SLC44A1: variants seen among roughly 807,000 people sequenced by gnomAD.
SLC44A1 encodes the protein choline transporter-like protein 1.
SLC44A1 carries 26 observed loss-of-function variants against 79.3 expected under a neutral mutation model. That is an observed-to-expected ratio of 0.33 (90% confidence interval 0.24 to 0.46). SLC44A1 has a LOEUF of 0.46. Among genes scored for constraint, SLC44A1 ranks in the 20% least tolerant of loss-of-function variants. The probability of loss-of-function intolerance (pLI) is 1.00; values close to 1 mark genes in which losing one functional copy is unlikely to be tolerated. For synonymous variants in SLC44A1, 263 were observed against 286.2 expected (o/e 0.92, Z 0.82); for missense variants, 688 against 798.1 (o/e 0.86, Z 1.66).
intron 1 of SLC44A1, among the ~76,000 whole-genome samples, chr9:105,251,154 G>C (rs991119324): frequency 6.6e-6 from 1 of 152,106 alleles, no homozygotes; most frequent in African/African-American, 2.4e-5. Flanking sequence ...ATATTGTACA[G>C]GCAACTCAAA....
downstream of SLC44A1, among the ~76,000 whole-genome samples, chr9:105,397,949 GAA>G: frequency 6.7e-6 from 1 of 148,682 alleles, no homozygotes; most frequent in African/African-American, 2.6e-5. Flanking sequence ...CTCGGTCTCA[GAA>G]AAAAAAAAAA....
At position 105,364,552 on chromosome 9, in the gene SLC44A1, T is replaced by C; in HGVS notation, c.1088-3T>C. On this transcript the variant is annotated splice_region_variant and splice_polypyrimidine_tract_variant and intron_variant, in intron 9 of 15. Transcript: ENST00000374720. Reference sequence around the variant, plus strand: ...CTTCTTTCCTTCCTTGATATTTTCCTAGGCAGTCCTGTTCAGAATGAGCAA... The same window carrying C: ...CTTCTTTCCTTCCTTGATATTTTCCCAGGCAGTCCTGTTCAGAATGAGCAA... 1 of 1,596,584 alleles carries C rather than the reference T, an allele frequency of 6.3e-7. No individual in the cohort carries two copies. Among genetic ancestry groups the C allele is most frequent in the African/African-American group, 1.4e-5 (1 of 73,908 alleles).
rs1828728130 is a variant in SLC44A1 at position 105,390,208 on chromosome 9, A to T, written c.*1152A>T. On this transcript the variant is annotated 3_prime_UTR_variant, in exon 16 of 16. Coordinates refer to ENST00000374720, the MANE Select transcript of SLC44A1 (RefSeq NM_080546.5). Reference sequence around the variant, plus strand: ...GGGGTTTTTTGCTTTTTTATTCCTGAAGCTTACCAGATATGAATGGCTAAT... The same window carrying T: ...GGGGTTTTTTGCTTTTTTATTCCTGTAGCTTACCAGATATGAATGGCTAAT... The T allele has an allele frequency of 8.8e-7, 1 of 1,139,718 alleles. No individual in the cohort carries two copies. Among genetic ancestry groups the T allele is most frequent in the East Asian group, 4.5e-5 (1 of 22,110 alleles). The allele number at this position is 1,139,718 out of a possible 1,614,324, so 70.6% of individuals were successfully genotyped here.
intron 13 of SLC44A1, among the ~76,000 whole-genome samples, chr9:105,375,901 T>C (rs905451686): frequency 9.3e-5 from 14 of 150,414 alleles, no homozygotes; most frequent in African/African-American, 3.4e-4. Flanking sequence ...ATTCTTCCCA[T>C]TTTTTTTTAT....
At position 105,392,672 on chromosome 9, in the gene SLC44A1, C is replaced by T; in HGVS notation, c.*3616C>T. ...ACATATGTGTGAGGCCACATCACTG[C>T]CCCTGAGGCTTCAACTATTTCCACC... On this transcript the variant is annotated 3_prime_UTR_variant, in exon 16 of 16. Transcript: ENST00000374720. 1.0e-6 allele frequency: 1 copy of T among 985,394 alleles called. No homozygotes were observed. The highest frequency in any genetic ancestry group is 1.2e-6 in the Non-Finnish European group (1 of 829,962). The allele number at this position is 985,394 out of a possible 1,614,324, so 61.0% of individuals were successfully genotyped here.
chr9:105,281,400 G>A (rs1351885909), intron 1 of SLC44A1, among the ~76,000 whole-genome samples: 1 of 151,932 alleles, frequency 6.6e-6, no homozygotes, highest in East Asian at 1.9e-4. Context: ...CTATCTTTTT[G>A]ATATTATTTA....
rs1828802560 is a variant in SLC44A1, at chr9:105,393,097, T to A, written c.*4041T>A. ...ACTATAATGGCTTGCCTAGAACTGGTAAGAAGTGGTCTGTGAATGTATATT... is the reference window on the plus strand; with the variant it reads ...ACTATAATGGCTTGCCTAGAACTGGAAAGAAGTGGTCTGTGAATGTATATT... On this transcript the variant is annotated 3_prime_UTR_variant, in exon 16 of 16. Coordinates refer to ENST00000374720, the MANE Select transcript of SLC44A1 (RefSeq NM_080546.5). The A allele has an allele frequency of 1.0e-6, 1 of 985,272 alleles. No individual in the cohort carries two copies. The highest frequency in any genetic ancestry group is 1.7e-5 in the African/African-American group (1 of 57,258). 61.0% of individuals were successfully genotyped at this position (985,272 alleles called of 1,614,324 possible).
At chr9:105,425,499 G>C (rs1292568716) in intron 15 of SLC44A1, among the ~76,000 whole-genome samples, 1 of 152,132 alleles carries the variant, frequency 6.6e-6, no homozygotes. Context: ...CATGTAAAAA[G>C]CTGAGGAAGA....
intron 3 of SLC44A1, among the ~76,000 whole-genome samples, chr9:105,324,439 G>T (rs1204995645): frequency 6.6e-6 from 1 of 151,626 alleles, no homozygotes; most frequent in Non-Finnish European, 1.5e-5. Flanking sequence ...TTTTTGTAGA[G>T]ATGGGGTTTC....
chr9:105,258,337 A>G (rs189416297), intron 1 of SLC44A1, among the ~76,000 whole-genome samples: 9 of 152,344 alleles, frequency 5.9e-5, no homozygotes, highest in Admixed American at 2.0e-4. Flanking sequence ...GCTTTAAGTC[A>G]TGAGCATATA....
intron 15 of SLC44A1, among the ~76,000 whole-genome samples, chr9:105,423,283 G>A (rs984948020): frequency 1.3e-5 from 2 of 152,130 alleles, no homozygotes; most frequent in Non-Finnish European, 2.9e-5. Flanking sequence ...GACCAACATG[G>A]TGAAACCCTG....
At chr9:105,426,200 C>T (rs1829320951) in intron 15 of SLC44A1, among the ~76,000 whole-genome samples, 1 of 152,088 alleles carries the variant, frequency 6.6e-6, no homozygotes, top group South Asian at 2.1e-4. Context: ...ATTTTCTGGG[C>T]TATATAATGC....
intron 3 of SLC44A1, among the ~76,000 whole-genome samples, chr9:105,332,716 AT>A (rs1202737560): frequency 2.0e-5 from 3 of 151,380 alleles, no homozygotes; most frequent in Non-Finnish European, 4.4e-5. Flanking sequence ...TCCTACACAG[AT>A]TTTTTTTTCC....
At chr9:105,337,386 G>A (rs1564445278) in intron 4 of SLC44A1, among the ~76,000 whole-genome samples, 2 of 152,124 alleles carry the variant, frequency 1.3e-5, no homozygotes, top group Admixed American at 1.3e-4. Context: ...TGGTTATGAG[G>A]ACTTGATACA....
intron 1 of SLC44A1, among the ~76,000 whole-genome samples, chr9:105,253,743 G>C (rs972709545): frequency 6.6e-6 from 1 of 151,222 alleles, no homozygotes; most frequent in African/African-American, 2.4e-5. Flanking sequence ...ATTTTTTTTT[G>C]AGACAGAGTC....
At chr9:105,316,658 A>C (rs1213064104) in intron 3 of SLC44A1, among the ~76,000 whole-genome samples, 1 of 152,214 alleles carries the variant, frequency 6.6e-6, no homozygotes, top group African/African-American at 2.4e-5. Context: ...GACAAAATAC[A>C]TAGAGAAATT....
intron 3 of SLC44A1, among the ~76,000 whole-genome samples, chr9:105,319,828 C>T (rs1192412082): frequency 6.6e-6 from 1 of 151,998 alleles, no homozygotes; most frequent in Non-Finnish European, 1.5e-5. Flanking sequence ...TTTGTAAAGT[C>T]GATTTTCAGG....
At chr9:105,332,852 A>C (rs917824419) in intron 3 of SLC44A1, among the ~76,000 whole-genome samples, 1 of 152,224 alleles carries the variant, frequency 6.6e-6, no homozygotes, top group Non-Finnish European at 1.5e-5. Context: ...AATGGTAATG[A>C]CACGAATCAC....
chr9:105,350,081 A>G (rs1827358413), intron 5 of SLC44A1, among the ~76,000 whole-genome samples: 1 of 152,224 alleles, frequency 6.6e-6, no homozygotes, highest in Non-Finnish European at 1.5e-5. Context: ...CAAGGTCATC[A>G]TCTGATATCT....
Sources: allele counts gnomAD v4.1 joint callset (sites outside exome capture counted in the v4.1 genomes callset), GRCh38; gene constraint gnomAD v4.1.1; transcripts MANE v1.5; gene names NCBI Gene and HGNC (gene_info 2026-07-23, HGNC 2026-07-21).